Variants in FGD4 observed in about 807,000 individuals in gnomAD.
FGD4 encodes the protein FYVE, RhoGEF and PH domain containing 4.
FGD4 carries 42 observed loss-of-function variants against 102.0 expected under a neutral mutation model. The ratio of observed to expected loss-of-function variants is 0.41; its 90% CI spans 0.32 to 0.53. FGD4 has a LOEUF of 0.53. FGD4 is among the 20% of genes least tolerant of loss of function. The pLI, the probability that FGD4 is intolerant of heterozygous loss-of-function variation, is 0.21. For synonymous variants in FGD4, 380 were observed against 375.7 expected (o/e 1.01, Z -0.13); for missense variants, 902 against 1,078.2 (o/e 0.84, Z 2.29).
At chr12:32,464,940 G>A (rs957631462) in intron 1 of FGD4, among the ~76,000 whole-genome samples, 8 of 151,738 alleles carry the variant, frequency 5.3e-5, no homozygotes, top group South Asian at 4.1e-4. Flanking sequence ...TTTTTGTTTC[G>A]TCATCCTAAA....
intron 1 of FGD4, among the ~76,000 whole-genome samples, chr12:32,456,006 C>T (rs978819809): frequency 4.6e-5 from 7 of 152,030 alleles, no homozygotes; most frequent in Non-Finnish European, 1.0e-4. Context: ...GTTTGCAGAC[C>T]ACTAGTCTCC....
chr12:32,486,279 A>G, intron 1 of FGD4: 1 of 887,994 alleles, frequency 1.1e-6, no homozygotes, highest in Non-Finnish European at 1.6e-6. Flanking sequence ...AATAATTTGT[A>G]CCACGATGGA....
At chr12:32,639,399 G>A (rs1951034636) in intron 16 of FGD4, among the ~76,000 whole-genome samples, 1 of 152,146 alleles carries the variant, frequency 6.6e-6, no homozygotes, top group Non-Finnish European at 1.5e-5. Flanking sequence ...CCTGACCTCA[G>A]GTGATCCGCC....
At chr12:32,513,083 G>A (rs1939551824) in intron 1 of FGD4, among the ~76,000 whole-genome samples, 1 of 152,166 alleles carries the variant, frequency 6.6e-6, no homozygotes, top group African/African-American at 2.4e-5. Context: ...AAACTACAAT[G>A]TATGATGCAA....
At position 32,600,584 on chromosome 12, in the gene FGD4, C is replaced by CTT. The variant is rs776556112; in HGVS notation, c.1102-692_1102-691dup. The CTT allele has an allele frequency of 6.3e-3, 1,691 of 269,020 alleles. 32 individuals are homozygous for CTT. Among genetic ancestry groups the CTT allele is most frequent in the Middle Eastern group, 0.014 (7 of 488 alleles). The allele number at this position is 269,020 out of a possible 1,614,324, so 16.7% of individuals were successfully genotyped here. The stretch of plus-strand genomic sequence containing the variant: ...GTTTTTTGTTTTTCTTTCTTTCTTT[C>CTT]TTTCTTTCTTTTTTTTTTTTTTGTC... On this transcript the variant is annotated intron_variant, in intron 5 of 16. Coordinates refer to ENST00000534526, the MANE Select transcript of FGD4 (RefSeq NM_001370298.3).
Position 32,602,147 on chromosome 12 carries a change from T to C in FGD4, c.1248-14T>C. On this transcript the variant is annotated splice_polypyrimidine_tract_variant and intron_variant, in intron 6 of 16. Coordinates refer to ENST00000534526, the MANE Select transcript of FGD4 (RefSeq NM_001370298.3). ...AATTTTTTTTAAAGACTTGTTTTTC[T>C]ATATTTGATACAGGGAAACTACTCC... The C allele has an allele frequency of 1.2e-6, 2 of 1,613,268 alleles. No homozygotes were observed. Among genetic ancestry groups the C allele is most frequent in the South Asian group, 2.2e-5 (2 of 90,978 alleles).
In FGD4 at chr12:32,544,180, C is replaced by A. The variant is rs1464138761; in HGVS notation, c.167-19957C>A. ...ATGGCTTATGTCTGTAATCCCAGCA[C>A]TTTGGGAGTCCGAGATGGGTGGATC... On this transcript the variant is annotated intron_variant, in intron 1 of 16. Transcript: ENST00000534526. The surrounding 1 kb of genome is among the most constrained non-coding windows in gnomAD (Gnocchi z 4.1). 1.3e-5 allele frequency among the ~76,000 whole-genome samples: 2 copies of A among 152,090 alleles called. No homozygotes were observed. The highest frequency in any genetic ancestry group is 2.9e-5 in the Non-Finnish European group (2 of 68,028).
At chr12:32,427,544 G>T (rs1408689629) in intron 1 of FGD4, among the ~76,000 whole-genome samples, 1 of 152,184 alleles carries the variant, frequency 6.6e-6, no homozygotes, top group African/African-American at 2.4e-5. Context: ...ATATTCTGTT[G>T]ATTTGGGGTA....
intron 1 of FGD4, among the ~76,000 whole-genome samples, chr12:32,525,192 A>G (rs963371743): frequency 6.6e-6 from 1 of 152,164 alleles, no homozygotes; most frequent in Non-Finnish European, 1.5e-5. Flanking sequence ...TTGTGACCCA[A>G]CAATCAGATT....
chr12:32,486,040 G>T (rs1210479962), intron 1 of FGD4: 1 of 1,487,220 alleles, frequency 6.7e-7, no homozygotes, highest in Non-Finnish European at 8.9e-7. Context: ...AATGCCTATA[G>T]TTTCTACCAA....
intron 1 of FGD4, among the ~76,000 whole-genome samples, chr12:32,468,913 G>A (rs1461642912): frequency 6.6e-6 from 1 of 152,036 alleles, no homozygotes; most frequent in Non-Finnish European, 1.5e-5. Context: ...TGCAACCTCC[G>A]CCTCCGAGTT....
chr12:32,430,045 T>G (rs950569212), intron 1 of FGD4, among the ~76,000 whole-genome samples: 1 of 152,108 alleles, frequency 6.6e-6, no homozygotes, highest in African/African-American at 2.4e-5. Flanking sequence ...CGCTGGCTTA[T>G]GCCTGTAATC....
chr12:32,615,283 A>G (rs938340406), intron 10 of FGD4, among the ~76,000 whole-genome samples: 1 of 152,124 alleles, frequency 6.6e-6, no homozygotes, highest in Non-Finnish European at 1.5e-5. Context: ...GCATAGAGAG[A>G]GGATGTAATT....
intron 1 of FGD4, among the ~76,000 whole-genome samples, chr12:32,533,585 C>A (rs1418040100): frequency 6.6e-6 from 1 of 152,102 alleles, no homozygotes; most frequent in Non-Finnish European, 1.5e-5. Context: ...GCCACCACAC[C>A]CGGCTAATTG....
rs11287949 is a variant in FGD4, at chr12:32,544,731, C to CAA, written c.167-19395_167-19394dup. ...TGGTGACAGAAGGATACTCTGTCTC[C>CAA]AAAAAAAAAAAATTACTATTAAAAT... On this transcript the variant is annotated intron_variant, in intron 1 of 16. Coordinates refer to ENST00000534526, the MANE Select transcript of FGD4 (RefSeq NM_001370298.3). This position sits in a 1 kb window ranked among gnomAD's most constrained non-coding sequence, Gnocchi z 4.1. Among the ~76,000 whole-genome samples, 5 of 143,706 alleles carry CAA rather than the reference C, an allele frequency of 3.5e-5. No individual in the cohort carries two copies. The highest frequency in any genetic ancestry group is 1.2e-4 in the African/African-American group (5 of 40,092). 94.3% of individuals were successfully genotyped at this position (143,706 alleles called of 152,430 possible).
At chr12:32,423,034 G>C (rs1941699946) in intron 1 of FGD4, among the ~76,000 whole-genome samples, 1 of 152,144 alleles carries the variant, frequency 6.6e-6, no homozygotes, top group South Asian at 2.1e-4. Context: ...GTACTTTTCT[G>C]TCTGATGTAA....
chr12:32,576,515 G>C (rs1355205434), intron 3 of FGD4, 66 bp downstream of exon 3: 1 of 1,520,702 alleles, frequency 6.6e-7, no homozygotes, highest in East Asian at 2.3e-5. Flanking sequence ...AAAAATGATA[G>C]TCATAGATAC....
intron 1 of FGD4, among the ~76,000 whole-genome samples, chr12:32,497,770 G>A (rs755747709): frequency 4.6e-5 from 7 of 152,140 alleles, no homozygotes; most frequent in Non-Finnish European, 7.4e-5. Context: ...ATTTCAACTG[G>A]TACTTGAACA....
chr12:32,627,700 A>G (rs1351739353), intron 14 of FGD4, among the ~76,000 whole-genome samples: 1 of 152,192 alleles, frequency 6.6e-6, no homozygotes, highest in African/African-American at 2.4e-5. Flanking sequence ...CTCTAACAAG[A>G]TATAGCAACT....
Sources: allele counts gnomAD v4.1 joint callset (sites outside exome capture counted in the v4.1 genomes callset), GRCh38; gene constraint gnomAD v4.1.1; non-coding constraint Gnocchi (gnomAD v3.1); transcripts MANE v1.5; gene names NCBI Gene and HGNC (gene_info 2026-07-23, HGNC 2026-07-21).